UTRN: variants seen among roughly 807,000 people sequenced by gnomAD.
The protein encoded by UTRN is dystrophin-related protein 1.
UTRN carries 283 observed loss-of-function variants against 463.9 expected under a neutral mutation model. That is an observed-to-expected ratio of 0.61 (90% CI 0.55 to 0.67). UTRN has a LOEUF of 0.67. UTRN is among the 30% of genes least tolerant of loss of function. The pLI is 0.00. For missense variants in UTRN, 3,922 were observed against 4,084.3 expected (o/e 0.96, Z 1.08); for synonymous variants, 1,442 against 1,431.5 (o/e 1.01, Z -0.17).
intron 65 of UTRN, among the ~76,000 whole-genome samples, chr6:144,815,603 C>T (rs1779007280): frequency 6.6e-6 from 1 of 152,170 alleles, no homozygotes; most frequent in African/African-American, 2.4e-5. Context: ...AGTTTATGTT[C>T]GAGGGCAGGA....
At chr6:144,728,104 A>C (rs1788099340) in intron 53 of UTRN, among the ~76,000 whole-genome samples, 3 of 149,952 alleles carry the variant, frequency 2.0e-5, no homozygotes, top group Admixed American at 2.0e-4. Flanking sequence ...CCATCTCAAA[A>C]AAAAAAAAAA....
At chr6:144,671,275 G>A (rs1284522701) in intron 51 of UTRN, among the ~76,000 whole-genome samples, 1 of 151,994 alleles carries the variant, frequency 6.6e-6, no homozygotes, top group Non-Finnish European at 1.5e-5. Context: ...CATGAGCATG[G>A]GATGTGCTTC....
intron 58 of UTRN, among the ~76,000 whole-genome samples, chr6:144,763,044 C>T (rs1586443216): frequency 6.6e-6 from 1 of 152,264 alleles, no homozygotes; most frequent in South Asian, 2.1e-4. Flanking sequence ...GTTTTTCCCA[C>T]TGGAGTCTGC....
At chr6:144,587,687 C>A (rs1359246225) in intron 51 of UTRN, among the ~76,000 whole-genome samples, 1 of 151,994 alleles carries the variant, frequency 6.6e-6, no homozygotes, top group Non-Finnish European at 1.5e-5. Flanking sequence ...ACAGGAGAAC[C>A]CTGCTCTCCT....
intron 44 of UTRN, among the ~76,000 whole-genome samples, chr6:144,538,416 T>C (rs1797717720): frequency 6.6e-6 from 1 of 152,030 alleles, no homozygotes; most frequent in South Asian, 2.1e-4. Context: ...ACGCCTGTAA[T>C]CCCAGCACTT....
chr6:144,398,511 A>G, intron 2 of UTRN: 1 of 310,348 alleles, frequency 3.2e-6, no homozygotes, highest in Non-Finnish European at 6.3e-6. Context: ...TATTACTTCA[A>G]TTGTTCAGGC....
At chr6:144,817,536 A>G (rs1256674954) in intron 65 of UTRN, among the ~76,000 whole-genome samples, 1 of 151,984 alleles carries the variant, frequency 6.6e-6, no homozygotes, top group Non-Finnish European at 1.5e-5. Context: ...TTTTTTTCCA[A>G]ACCAAACCAT....
chr6:144,699,494 T>C (rs1784366849), intron 52 of UTRN, among the ~76,000 whole-genome samples: 1 of 142,204 alleles, frequency 7.0e-6, no homozygotes. Context: ...TTTTTTTTTT[T>C]TTTTTTGGAA....
At chr6:144,672,832 T>C (rs1781192118) in intron 51 of UTRN, among the ~76,000 whole-genome samples, 1 of 152,152 alleles carries the variant, frequency 6.6e-6, no homozygotes, top group Non-Finnish European at 1.5e-5. Context: ...CTCTTAGCAC[T>C]GCTTTTGCTA....
chr6:144,798,532 C>T (rs985457162), intron 64 of UTRN, among the ~76,000 whole-genome samples: 4 of 152,156 alleles, frequency 2.6e-5, no homozygotes, highest in East Asian at 1.9e-4. Context: ...ACCCCAAAGC[C>T]GACAGTGCAG....
rs1457762077 is a variant in UTRN at position 144,836,292 on chromosome 6, C to CTGT, written c.9825-8_9825-6dup. 6.2e-6 allele frequency: 10 copies of CTGT among 1,613,926 alleles called. No individual in the cohort carries two copies. The highest frequency in any genetic ancestry group is 8.5e-6 in the Non-Finnish European group (10 of 1,179,930). The stretch of plus-strand genomic sequence containing the variant: ...GTAGTCATTCTGTTTCTCCCTCTTT[C>CTGT]TGTATTAGAAATCTACAGGTGGAGT... On this transcript the variant is annotated splice_polypyrimidine_tract_variant and intron_variant, in intron 70 of 74. Transcript: ENST00000367545.
At chr6:144,564,915 A>G (rs935087502) in intron 50 of UTRN, among the ~76,000 whole-genome samples, 2 of 152,174 alleles carry the variant, frequency 1.3e-5, no homozygotes, top group African/African-American at 4.8e-5. Context: ...TGGAATTGTT[A>G]AGGAAGGGAG....
chr6:144,738,732 T>C (rs1789719327), intron 54 of UTRN, among the ~76,000 whole-genome samples: 2 of 152,218 alleles, frequency 1.3e-5, no homozygotes, highest in Non-Finnish European at 2.9e-5. Context: ...AGAGATTGCA[T>C]TATTTATCCA....
At chr6:144,629,275 A>G (rs1168237356) in intron 51 of UTRN, among the ~76,000 whole-genome samples, 1 of 152,110 alleles carries the variant, frequency 6.6e-6, no homozygotes, top group Non-Finnish European at 1.5e-5. Flanking sequence ...AATCTAGTGT[A>G]CTGCGTCCTA....
chr6:144,695,122 G>A (rs1018899527), intron 52 of UTRN, among the ~76,000 whole-genome samples: 1 of 151,770 alleles, frequency 6.6e-6, no homozygotes, highest in Admixed American at 6.6e-5. Context: ...GTCATGGCAG[G>A]GAACATTTGC....
intron 49 of UTRN, 42 bp from the exon 50 acceptor site, chr6:144,557,115 G>A (rs1445482863): frequency 1.3e-6 from 2 of 1,594,270 alleles, no homozygotes; most frequent in South Asian, 1.1e-5. Flanking sequence ...ACTAATTACT[G>A]AGTGACCAAG....
chr6:144,623,631 G>A (rs1171135468), intron 51 of UTRN, among the ~76,000 whole-genome samples: 5 of 152,182 alleles, frequency 3.3e-5, no homozygotes, highest in Admixed American at 2.6e-4. Context: ...AAGTCTTGGT[G>A]TAAAAATGTC....
At chr6:144,576,506 T>C (rs997204335) in intron 50 of UTRN, among the ~76,000 whole-genome samples, 1 of 152,196 alleles carries the variant, frequency 6.6e-6, no homozygotes, top group Admixed American at 6.5e-5. Context: ...TGTATATATA[T>C]GAATTGTTTA....
At chr6:144,310,162 G>A (rs1806115010) in intron 2 of UTRN, among the ~76,000 whole-genome samples, 2 of 152,242 alleles carry the variant, frequency 1.3e-5, no homozygotes, top group Admixed American at 1.3e-4. Context: ...AAATACACGT[G>A]TGCAGAAGCA....
Sources: gnomAD v4.1 joint callset for allele counts (sites outside exome capture counted in the v4.1 genomes callset) on GRCh38, gnomAD v4.1.1 for gene constraint, MANE v1.5 for transcripts, NCBI Gene and HGNC (gene_info 2026-07-23, HGNC 2026-07-21) for gene names.